The following DOP1A variants were observed in gnomAD, a reference collection of about 807,000 sequenced individuals.
DOP1A encodes protein DOP1A.
Under a neutral mutation model 267.6 loss-of-function variants are expected in DOP1A, and 90 were observed. The ratio of observed to expected loss-of-function variants is 0.34; its 90% CI spans 0.28 to 0.40. The LOEUF is 0.40. DOP1A is among the 10% of genes least tolerant of loss of function. DOP1A has a pLI of 1.00. For missense variants in DOP1A, 2,437 were observed against 2,900.4 expected (o/e 0.84, Z 3.67); for synonymous variants, 932 against 999.1 (o/e 0.93, Z 1.27).
At chr6:83,094,812 T>C (rs1360293475) in intron 1 of DOP1A, among the ~76,000 whole-genome samples, 1 of 152,226 alleles carries the variant, frequency 6.6e-6, no homozygotes, top group Non-Finnish European at 1.5e-5. Flanking sequence ...TTTTCTCCTA[T>C]TCTGTCAGTT....
intron 4 of DOP1A, among the ~76,000 whole-genome samples, chr6:83,107,726 T>A (rs1285774220): frequency 6.6e-6 from 1 of 152,182 alleles, no homozygotes; most frequent in Non-Finnish European, 1.5e-5. Flanking sequence ...GGCTGAGGCC[T>A]GAAAGTTTGG....
intron 27 of DOP1A, 73 bp downstream of exon 27, chr6:83,148,936 A>G: frequency 1.1e-6 from 1 of 903,036 alleles, no homozygotes; most frequent in Non-Finnish European, 1.6e-6. Flanking sequence ...AGTATTAGTA[A>G]TAGATATTTT....
chr6:83,128,272 G>A (rs1423490195), intron 15 of DOP1A, among the ~76,000 whole-genome samples: 1 of 152,130 alleles, frequency 6.6e-6, no homozygotes, highest in Non-Finnish European at 1.5e-5. Flanking sequence ...GGGAGTAAAA[G>A]GCTAATATAC....
chr6:83,155,204 G>A (rs1209803863), intron 33 of DOP1A, among the ~76,000 whole-genome samples: 1 of 151,498 alleles, frequency 6.6e-6, no homozygotes, highest in Non-Finnish European at 1.5e-5. Flanking sequence ...GCTCACGCCT[G>A]TAATCCTAGC....
rs77548299 is a variant in DOP1A at position 83,118,951 on chromosome 6, A to G, written c.844A>G (p.Met282Val). Residue 282 changes from methionine to valine, a missense_variant, in exon 8 of 39, where the codon ATG becomes GTG. This residue lies in a region of DOP1A where 251 missense variants were observed against 359.1 expected (regional missense o/e 0.70). Transcript: ENST00000349129. ...CCTTCATGTAGTGCTAAGGAGGGATATGTCTCTGAATCGAAGACTTTATGC... is the reference window on the plus strand; with the variant it reads ...CCTTCATGTAGTGCTAAGGAGGGATGTGTCTCTGAATCGAAGACTTTATGC... ...AALHVVLRRD[M>V]SLNRRLYAWL... 1 of 1,613,630 alleles carries G rather than the reference A, an allele frequency of 6.2e-7. No individual in the cohort carries two copies. Among genetic ancestry groups the G allele is most frequent in the Non-Finnish European group, 8.5e-7 (1 of 1,179,658 alleles).
intron 4 of DOP1A, 148 bp downstream of exon 4, chr6:83,101,034 G>GCA (rs1772476530): frequency 2.1e-6 from 1 of 483,106 alleles, no homozygotes; most frequent in African/African-American, 2.0e-5. Context: ...TGTTTTGTTT[G>GCA]AGACGGAGTC....
chr6:83,107,027 GTGAT>G (rs1460247433), intron 4 of DOP1A, among the ~76,000 whole-genome samples: 1 of 152,058 alleles, frequency 6.6e-6, no homozygotes, highest in African/African-American at 2.4e-5. Flanking sequence ...TAGAAGTATC[GTGAT>G]TGATTAATGA....
chr6:83,157,367 G>A (rs1783015747), intron 35 of DOP1A, 49 bp downstream of exon 35: 1 of 1,582,618 alleles, frequency 6.3e-7, no homozygotes. Context: ...TGATAAAACA[G>A]TGATTAGTTT....
intron 38 of DOP1A, among the ~76,000 whole-genome samples, chr6:83,163,728 T>C (rs761558784): frequency 3.9e-5 from 6 of 152,078 alleles, no homozygotes; most frequent in Admixed American, 6.6e-5. Flanking sequence ...TGAGTACAGA[T>C]TGCAAGACCC....
At chr6:83,082,523 G>C (rs1440507705) in intron 1 of DOP1A, among the ~76,000 whole-genome samples, 1 of 152,156 alleles carries the variant, frequency 6.6e-6, no homozygotes, top group Non-Finnish European at 1.5e-5. Context: ...TTGAGGAAAT[G>C]ACAGGATGGA....
At chr6:83,166,944 T>G (rs1450026015) in intron 38 of DOP1A, 11 of 986,702 alleles carry the variant, frequency 1.1e-5, no homozygotes, top group African/African-American at 1.7e-5. Flanking sequence ...TTTTCATTCT[T>G]TAGTGTGGAA....
chr6:83,082,958 C>T (rs1015822801), intron 1 of DOP1A, among the ~76,000 whole-genome samples: 1 of 151,942 alleles, frequency 6.6e-6, no homozygotes, highest in African/African-American at 2.4e-5. Context: ...CAGGTGCCTG[C>T]CACCACGCCC....
chr6:83,079,914 C>T (rs1376619263), intron 1 of DOP1A, among the ~76,000 whole-genome samples: 1 of 152,090 alleles, frequency 6.6e-6, no homozygotes, highest in African/African-American at 2.4e-5. Flanking sequence ...TGCGTTTCAC[C>T]TCTCTAATCA....
intron 38 of DOP1A, chr6:83,166,039 C>T (rs1412660668): frequency 1.1e-5 from 3 of 278,778 alleles, no homozygotes; most frequent in Admixed American, 4.6e-5. Flanking sequence ...TGGTCATCGC[C>T]AGTTGTCGTA....
At chr6:83,170,217 C>G (rs1786803451), downstream of DOP1A, 6 of 1,223,034 alleles carry the variant, frequency 4.9e-6, no homozygotes, top group Non-Finnish European at 7.1e-6. Flanking sequence ...CCTTAATCAT[C>G]ATAGTGAGAT....
chr6:83,098,038 A>G (rs1336655826), intron 3 of DOP1A, among the ~76,000 whole-genome samples: 2 of 151,994 alleles, frequency 1.3e-5, no homozygotes, highest in African/African-American at 4.8e-5. Flanking sequence ...GACTGCAGGC[A>G]TGCCACCATG....
chr6:83,120,874 T>C, intron 10 of DOP1A, 83 bp downstream of exon 10: 13 of 1,082,914 alleles, frequency 1.2e-5, no homozygotes, highest in Non-Finnish European at 1.5e-5. Context: ...TCAGGGAAAT[T>C]GTTATATTTT....
intron 1 of DOP1A, among the ~76,000 whole-genome samples, chr6:83,081,270 G>T (rs1768025763): frequency 6.6e-6 from 1 of 152,030 alleles, no homozygotes; most frequent in Non-Finnish European, 1.5e-5. Flanking sequence ...ACCATGCCCG[G>T]CTAATTTTTG....
intron 7 of DOP1A, among the ~76,000 whole-genome samples, chr6:83,117,306 G>A (rs904790262): frequency 2.4e-4 from 36 of 151,604 alleles, no homozygotes; most frequent in African/African-American, 7.0e-4. Flanking sequence ...GCCAACCACC[G>A]TGCCCAGCTA....
Sources: allele counts gnomAD v4.1 joint callset (sites outside exome capture counted in the v4.1 genomes callset), GRCh38; gene constraint gnomAD v4.1.1; regional missense constraint gnomAD v4.1.1; transcripts MANE v1.5; gene names NCBI Gene and HGNC (gene_info 2026-07-23, HGNC 2026-07-21).